The following RFX3 variants were observed in gnomAD, a reference collection of about 807,000 sequenced individuals.
RFX3 encodes the protein regulatory factor X3, also known as transcription factor RFX3.
In RFX3, 14 loss-of-function variants were observed where a neutral mutation model predicts 98.6. The ratio of observed to expected loss-of-function variants is 0.14; its 90% confidence interval spans 0.09 to 0.22. The LOEUF is 0.22. RFX3 is among the 10% of genes least tolerant of loss of function. The pLI, the probability that RFX3 is intolerant of heterozygous loss-of-function variation, is 1.00. For missense variants in RFX3, 639 were observed against 926.9 expected (o/e 0.69, Z 4.03); for synonymous variants, 383 against 328.4 (o/e 1.17, Z -1.80).
intron 1 of RFX3, among the ~76,000 whole-genome samples, chr9:3,404,692 G>T (rs1431575125): frequency 6.6e-6 from 1 of 151,956 alleles, no homozygotes; most frequent in African/African-American, 2.4e-5. Context: ...CAAAAATATA[G>T]TTGTCATTAT....
intron 15 of RFX3, among the ~76,000 whole-genome samples, chr9:3,245,639 C>T (rs1378449039): frequency 8.5e-5 from 13 of 152,074 alleles, no homozygotes; most frequent in African/African-American, 4.8e-5. Context: ...CTGGGAGGAT[C>T]GTGGCGCCAT....
rs1825483415 is a variant in RFX3 at position 3,278,222 on chromosome 9, T to G, written c.852-761A>C. On this transcript the variant is annotated intron_variant, in intron 7 of 16. Coordinates refer to ENST00000617270, the MANE Select transcript of RFX3 (RefSeq NM_001282116.2). ...GATGTCTTGAAAAAGAAATATCATA[T>G]AAAAAAACAAAACATAAAAAAGCCT... is the stretch of plus-strand genomic sequence containing the variant. Among the ~76,000 whole-genome samples, 3 of 151,474 alleles carry G rather than the reference T, an allele frequency of 2.0e-5. No individual in the cohort carries two copies. In the South Asian group the frequency reaches 6.2e-4, roughly 31 times the overall value.
Position 3,471,145 on chromosome 9 carries a change from T to A in RFX3, c.-9+54602A>T, listed in dbSNP as rs139122471. 2.1e-4 allele frequency among the ~76,000 whole-genome samples: 32 copies of A among 152,280 alleles called. 1 individual carries two copies. The East Asian group carries it at 6.2e-3, about 29-fold the overall frequency. On this transcript the variant is annotated intron_variant, in intron 1 of 16. Transcript: ENST00000617270. Reference sequence around the variant, plus strand: ...CCAAATTACTAAACAGCAGAGCAATTCTAAAGGCAAATCTGTCCCACTCAC... The same window carrying A: ...CCAAATTACTAAACAGCAGAGCAATACTAAAGGCAAATCTGTCCCACTCAC...
At chr9:3,319,828 T>A (rs1831046057) in intron 4 of RFX3, among the ~76,000 whole-genome samples, 1 of 143,376 alleles carries the variant, frequency 7.0e-6, no homozygotes, top group African/African-American at 2.6e-5. Context: ...AATACCTCAA[T>A]AAATGTTTGA....
intron 1 of RFX3, among the ~76,000 whole-genome samples, chr9:3,470,104 G>C (rs1193232109): frequency 1.3e-5 from 2 of 152,062 alleles, no homozygotes; most frequent in African/African-American, 4.8e-5. Flanking sequence ...TAAAAATGAA[G>C]AGCCAGTCAG....
chr9:3,313,413 A>T (rs890890495), intron 4 of RFX3, among the ~76,000 whole-genome samples: 1 of 152,234 alleles, frequency 6.6e-6, no homozygotes. Flanking sequence ...AAAGATGGGG[A>T]GAAACCAGAG....
At chr9:3,441,265 G>A (rs143767299) in intron 1 of RFX3, among the ~76,000 whole-genome samples, 10 of 152,034 alleles carry the variant, frequency 6.6e-5, no homozygotes, top group African/African-American at 1.7e-4. Context: ...CAGTATGAAC[G>A]CATATTTAGT....
intron 1 of RFX3, among the ~76,000 whole-genome samples, chr9:3,521,029 C>T (rs1179425852): frequency 6.6e-6 from 1 of 152,062 alleles, no homozygotes; most frequent in Non-Finnish European, 1.5e-5. Flanking sequence ...AGCCTGATAA[C>T]CACTATTGCC....
chr9:3,441,381 C>G (rs1845597066), intron 1 of RFX3, among the ~76,000 whole-genome samples: 1 of 152,002 alleles, frequency 6.6e-6, no homozygotes, highest in East Asian at 1.9e-4. Context: ...GTCTGCCAAG[C>G]AAACCTAGAC....
At chr9:3,510,400 A>T (rs948317053) in intron 1 of RFX3, among the ~76,000 whole-genome samples, 1 of 152,068 alleles carries the variant, frequency 6.6e-6, no homozygotes, top group Non-Finnish European at 1.5e-5. Flanking sequence ...TCCAAATTAC[A>T]GCATTAAGTT....
chr9:3,304,087 C>T (rs1279291001), intron 4 of RFX3, among the ~76,000 whole-genome samples: 3 of 151,936 alleles, frequency 2.0e-5, no homozygotes, highest in Non-Finnish European at 4.4e-5. Flanking sequence ...ATGTTGGAAC[C>T]TACTTGGAAA....
chr9:3,399,214 C>T (rs143723200), intron 1 of RFX3, among the ~76,000 whole-genome samples: 2,253 of 150,506 alleles, frequency 0.015, 34 homozygotes, highest in Admixed American at 0.033. Flanking sequence ...GTGGGTGAAT[C>T]ACCTGAGGTC....
At chr9:3,387,182 T>A (rs1564025887) in intron 2 of RFX3, among the ~76,000 whole-genome samples, 1 of 152,148 alleles carries the variant, frequency 6.6e-6, no homozygotes, top group Non-Finnish European at 1.5e-5. Context: ...AAGACAATCT[T>A]CCATCTTTGC....
intron 4 of RFX3, among the ~76,000 whole-genome samples, chr9:3,315,721 C>T (rs576784354): frequency 1.3e-5 from 2 of 152,274 alleles, no homozygotes; most frequent in East Asian, 3.9e-4. Flanking sequence ...GAAATACAAA[C>T]TACCATCAGA....
At chr9:3,299,167 C>A (rs1828346333) in intron 5 of RFX3, among the ~76,000 whole-genome samples, 1 of 151,646 alleles carries the variant, frequency 6.6e-6, no homozygotes, top group Non-Finnish European at 1.5e-5. Context: ...TTTTAAAAAA[C>A]TCCATCTCTC....
At chr9:3,502,691 A>G (rs1816160958) in intron 1 of RFX3, among the ~76,000 whole-genome samples, 1 of 152,138 alleles carries the variant, frequency 6.6e-6, no homozygotes, top group South Asian at 2.1e-4. Flanking sequence ...AACTTTCATT[A>G]TTTTCACGAT....
chr9:3,406,921 G>A (rs977223977), intron 1 of RFX3, among the ~76,000 whole-genome samples: 5 of 152,122 alleles, frequency 3.3e-5, no homozygotes, highest in African/African-American at 1.2e-4. Context: ...AAACTCAAAT[G>A]AACGAATCAA....
chr9:3,419,644 T>C (rs1191364277), intron 1 of RFX3, among the ~76,000 whole-genome samples: 3 of 152,220 alleles, frequency 2.0e-5, no homozygotes, highest in African/African-American at 7.2e-5. Flanking sequence ...CAGTTCTCCG[T>C]TGGTATCTGC....
intron 15 of RFX3, among the ~76,000 whole-genome samples, chr9:3,237,822 C>G (rs912690227): frequency 6.6e-6 from 1 of 152,138 alleles, no homozygotes; most frequent in African/African-American, 2.4e-5. Flanking sequence ...ACAGCATGGG[C>G]GGAACAACAT....
Sources: allele counts gnomAD v4.1 joint callset (sites outside exome capture counted in the v4.1 genomes callset), GRCh38; gene constraint gnomAD v4.1.1; transcripts MANE v1.5; gene names NCBI Gene and HGNC (gene_info 2026-07-23, HGNC 2026-07-21).